The following KIF6 variants were observed in gnomAD, a reference collection of about 807,000 sequenced individuals.
The protein encoded by KIF6 is kinesin-like protein KIF6.
Under a neutral mutation model 112.7 loss-of-function variants are expected in KIF6, and 106 were observed. The ratio of observed to expected loss-of-function variants is 0.94; its 90% CI spans 0.80 to 1.11. The LOEUF (loss-of-function observed/expected upper bound fraction) is 1.11, where lower values mean the gene tolerates loss of function less well. KIF6 is among the 50% of genes least tolerant of loss of function. The pLI, the probability that KIF6 is intolerant of heterozygous loss-of-function variation, is 0.00. For synonymous variants in KIF6, 339 were observed against 339.9 expected, an observed-to-expected ratio of 1.00 and a Z score of 0.03; for missense variants, 929 against 964.0, an observed-to-expected ratio of 0.96 and a Z score of 0.48.
intron 3 of KIF6, among the ~76,000 whole-genome samples, chr6:39,699,308 T>C (rs1788735277): frequency 6.6e-6 from 1 of 152,100 alleles, no homozygotes; most frequent in South Asian, 2.1e-4. Context: ...CTGGTCAGAA[T>C]GGGCCTCACT....
chr6:39,575,933 G>A (rs368027348), intron 10 of KIF6, among the ~76,000 whole-genome samples: 3 of 152,224 alleles, frequency 2.0e-5, no homozygotes, highest in South Asian at 2.1e-4. Flanking sequence ...TCAAGAAGTC[G>A]GCTTCCTGTT....
intron 19 of KIF6, among the ~76,000 whole-genome samples, chr6:39,351,614 C>T (rs1764253107): frequency 6.6e-6 from 1 of 152,090 alleles, no homozygotes; most frequent in Admixed American, 6.6e-5. Context: ...CTGCCCCTCT[C>T]TCTCTCTCTC....
chr6:39,439,927 C>A (rs1771808723), intron 13 of KIF6, among the ~76,000 whole-genome samples: 1 of 152,186 alleles, frequency 6.6e-6, no homozygotes, highest in African/African-American at 2.4e-5. Context: ...CCTAAACAAC[C>A]TACTGCTGCT....
intron 16 of KIF6, among the ~76,000 whole-genome samples, chr6:39,371,453 G>A (rs184539770): frequency 1.3e-3 from 193 of 152,278 alleles, no homozygotes; most frequent in African/African-American, 4.1e-3. Flanking sequence ...TTTCTTCATG[G>A]GAGACTTCTC....
intron 3 of KIF6, among the ~76,000 whole-genome samples, chr6:39,646,419 G>T (rs1300218870): frequency 6.6e-6 from 1 of 152,020 alleles, no homozygotes; most frequent in Non-Finnish European, 1.5e-5. Context: ...TCCCTCCAAG[G>T]TATTTCTGAA....
intron 13 of KIF6, among the ~76,000 whole-genome samples, chr6:39,468,267 C>A (rs940997425): frequency 1.3e-5 from 2 of 151,520 alleles, no homozygotes; most frequent in Admixed American, 1.3e-4. Context: ...AATGAGAGTA[C>A]AAGACGGAGG....
At chr6:39,558,921 C>G (rs1360429814) in intron 10 of KIF6, among the ~76,000 whole-genome samples, 2 of 152,056 alleles carry the variant, frequency 1.3e-5, no homozygotes, top group Admixed American at 6.6e-5. Context: ...GGAGACAGGC[C>G]TTTTTAATCA....
At chr6:39,366,350 T>G (rs899362178) in intron 16 of KIF6, among the ~76,000 whole-genome samples, 1 of 152,234 alleles carries the variant, frequency 6.6e-6, no homozygotes, top group African/African-American at 2.4e-5. Flanking sequence ...TGGATCCAAG[T>G]CTAGTCACTC....
chr6:39,613,586 C>A (rs1454008276), intron 5 of KIF6, among the ~76,000 whole-genome samples: 2 of 152,178 alleles, frequency 1.3e-5, no homozygotes, highest in Non-Finnish European at 2.9e-5. Context: ...GCTAAATCAT[C>A]TTAGAATGCA....
chr6:39,622,454 C>T (rs1783880830), intron 5 of KIF6, among the ~76,000 whole-genome samples: 1 of 152,060 alleles, frequency 6.6e-6, no homozygotes, highest in Admixed American at 6.6e-5. Context: ...CCTTCCAAAT[C>T]AACAGAGTAT....
At chr6:39,542,397 CAACAGG>C (rs1233968934) in intron 12 of KIF6, among the ~76,000 whole-genome samples, 1 of 152,102 alleles carries the variant, frequency 6.6e-6, no homozygotes, top group African/African-American at 2.4e-5. Context: ...AGGATGTCAC[CAACAGG>C]ACATCATTTT....
chr6:39,508,362 G>C (rs912918709), intron 13 of KIF6, among the ~76,000 whole-genome samples: 3 of 152,114 alleles, frequency 2.0e-5, no homozygotes, highest in Non-Finnish European at 4.4e-5. Flanking sequence ...GGACTGGTTG[G>C]ACAGTGGGTG....
intron 13 of KIF6, among the ~76,000 whole-genome samples, chr6:39,453,507 T>C (rs1243627334): frequency 6.6e-6 from 1 of 152,244 alleles, no homozygotes; most frequent in Non-Finnish European, 1.5e-5. Flanking sequence ...CCTTTCTAAA[T>C]TACTTTCAAT....
chr6:39,667,691 G>A (rs758777731), intron 3 of KIF6, among the ~76,000 whole-genome samples: 2 of 152,174 alleles, frequency 1.3e-5, no homozygotes, highest in Non-Finnish European at 1.5e-5. Context: ...TAGTACTGCT[G>A]AGCATGATGC....
At position 39,584,969 on chromosome 6, in the gene KIF6, A is replaced by G. The variant is rs778456818; in HGVS notation, c.1006T>C (p.Cys336Arg). 10 of 1,605,576 alleles carry G rather than the reference A, an allele frequency of 6.2e-6. No homozygotes were observed. In the South Asian group the frequency reaches 1.1e-4, roughly 18 times the overall value. ...KRNLDESIST[C>R]RFAQRVALIK... ...AGTGCCACTCGCTGTGCAAATCTGC[A>G]GGTTGATATAGACTCCTAAGAAAGC... The change falls in exon 9 of 23, where the codon TGC becomes CGC. Residue 336 changes from cysteine (C) to arginine (R), a missense_variant. Coordinates refer to ENST00000287152, the MANE Select transcript of KIF6 (RefSeq NM_145027.6).
chr6:39,585,024 G>C (rs1313184724), intron 8 of KIF6, 40 bp from the exon 9 acceptor site: 2 of 1,106,454 alleles, frequency 1.8e-6, no homozygotes, highest in Admixed American at 1.9e-5. Flanking sequence ...TTATGGCATA[G>C]AGAGATATTT....
At chr6:39,657,279 C>G (rs1478052450) in intron 3 of KIF6, among the ~76,000 whole-genome samples, 2 of 151,466 alleles carry the variant, frequency 1.3e-5, no homozygotes, top group Admixed American at 1.3e-4. Flanking sequence ...ATTCTTCTTG[C>G]AGAGAAATTC....
chr6:39,498,213 C>T (rs1391536636), intron 13 of KIF6, among the ~76,000 whole-genome samples: 1 of 152,188 alleles, frequency 6.6e-6, no homozygotes, highest in Non-Finnish European at 1.5e-5. Flanking sequence ...TCCAATGATT[C>T]AGATGCAGCT....
intron 16 of KIF6, among the ~76,000 whole-genome samples, chr6:39,367,824 A>C (rs1196300817): frequency 6.6e-6 from 1 of 152,148 alleles, no homozygotes; most frequent in African/African-American, 2.4e-5. Flanking sequence ...AATGTGCAGA[A>C]TAGTTTTTTT....
Sources: allele counts gnomAD v4.1 joint callset (sites outside exome capture counted in the v4.1 genomes callset), GRCh38; gene constraint gnomAD v4.1.1; transcripts MANE v1.5; gene names NCBI Gene and HGNC (gene_info 2026-07-23, HGNC 2026-07-21).